The following PAPPA variants were observed in gnomAD, a reference collection of about 807,000 sequenced individuals.
The protein encoded by PAPPA is pappalysin 1.
In PAPPA, 60 loss-of-function variants were observed where a neutral mutation model predicts 164.0. The observed-to-expected ratio is 0.37, with a 90% CI of 0.30 to 0.45. The LOEUF (loss-of-function observed/expected upper bound fraction) is 0.45, where lower values mean the gene tolerates loss of function less well. PAPPA is among the 20% of genes least tolerant of loss of function. The pLI, the probability that PAPPA is intolerant of heterozygous loss-of-function variation, is 1.00. For missense variants in PAPPA, 1,782 were observed against 2,087.3 expected (o/e 0.85, Z 2.85); for synonymous variants, 875 against 814.1 (o/e 1.07, Z -1.27).
At chr9:116,293,016 G>C (rs1322530245) in intron 9 of PAPPA, among the ~76,000 whole-genome samples, 1 of 152,142 alleles carries the variant, frequency 6.6e-6, no homozygotes, top group Non-Finnish European at 1.5e-5. Flanking sequence ...TAGCAAGATG[G>C]GGATTTTGAC....
In PAPPA at chr9:116,154,450, C is replaced by G; in HGVS notation, c.278C>G (p.Pro93Arg). The change falls in exon 1 of 22, where the codon CCG becomes CGG. Residue 93 changes from proline (P) to arginine (R), a missense_variant. Pro to Arg is a moderately radical substitution (Grantham distance 103). Coordinates refer to ENST00000328252, the MANE Select transcript of PAPPA (RefSeq NM_002581.5). The surrounding 1 kb of genome is among the most constrained non-coding windows in gnomAD (Gnocchi z 5.2). ...ARGATEEPSP[P>R]SRALYFSGRG... is the part of the protein sequence containing the mutation. ...GGCGCCACCGAGGAGCCGAGCCCGC[C>G]GAGCCGGGCGCTCTATTTCAGCGGG... The G allele has an allele frequency of 1.6e-6, 2 of 1,282,502 alleles. No homozygotes were observed. The highest frequency in any genetic ancestry group is 2.0e-6 in the Non-Finnish European group (2 of 1,015,546). The allele number at this position is 1,282,502 out of a possible 1,614,324, so 79.4% of individuals were successfully genotyped here. A position where few individuals can be genotyped will look rare whatever the true frequency, so the allele number is the denominator to read the frequency against.
chr9:116,237,465 A>T (rs1844681812), intron 7 of PAPPA, among the ~76,000 whole-genome samples: 1 of 152,212 alleles, frequency 6.6e-6, no homozygotes, highest in Admixed American at 6.5e-5. Flanking sequence ...TCTCAGTTTA[A>T]ACTCAGCTTT....
chr9:116,158,590 A>G (rs543881263), intron 1 of PAPPA, among the ~76,000 whole-genome samples: 1 of 152,334 alleles, frequency 6.6e-6, no homozygotes, highest in Admixed American at 6.5e-5. Flanking sequence ...TGGACATGGA[A>G]GGTACTTAAA....
intron 7 of PAPPA, among the ~76,000 whole-genome samples, chr9:116,249,296 GA>G (rs942908835): frequency 2.0e-5 from 3 of 152,206 alleles, no homozygotes; most frequent in Non-Finnish European, 4.4e-5. Context: ...GCCAAGGCAA[GA>G]AAATTTAGCC....
At chr9:116,246,644 T>G (rs978571810) in intron 7 of PAPPA, among the ~76,000 whole-genome samples, 6 of 152,146 alleles carry the variant, frequency 3.9e-5, no homozygotes, top group Non-Finnish European at 8.8e-5. Flanking sequence ...TGGTTAGAAT[T>G]GAGATGTTTC....
At chr9:116,182,759 C>A (rs1843922168) in intron 1 of PAPPA, among the ~76,000 whole-genome samples, 1 of 152,052 alleles carries the variant, frequency 6.6e-6, no homozygotes, top group Admixed American at 6.5e-5. Flanking sequence ...CCTATGGAAC[C>A]CTTTTCACAT....
At chr9:116,376,949 G>T (rs905080885) in intron 19 of PAPPA, among the ~76,000 whole-genome samples, 1 of 152,114 alleles carries the variant, frequency 6.6e-6, no homozygotes, top group Non-Finnish European at 1.5e-5. Context: ...CTCTCAGACT[G>T]TAGTGTGCAT....
chr9:116,322,162 C>T (rs1309041330), intron 10 of PAPPA, among the ~76,000 whole-genome samples: 2 of 152,172 alleles, frequency 1.3e-5, no homozygotes, highest in Non-Finnish European at 2.9e-5. Flanking sequence ...CGCGGTGACT[C>T]ACGCCTGTAA....
At chr9:116,358,495 C>T (rs1052298366) in intron 17 of PAPPA, among the ~76,000 whole-genome samples, 1 of 152,186 alleles carries the variant, frequency 6.6e-6, no homozygotes, top group African/African-American at 2.4e-5. Context: ...CCCCATTTTA[C>T]AGATGGGGAA....
chr9:116,304,508 CAA>C (rs1485363505), intron 10 of PAPPA, among the ~76,000 whole-genome samples: 1 of 152,226 alleles, frequency 6.6e-6, no homozygotes, highest in African/African-American at 2.4e-5. Flanking sequence ...AACCTTCAAA[CAA>C]GAGAATTATT....
intron 7 of PAPPA, among the ~76,000 whole-genome samples, chr9:116,245,755 T>C (rs929089009): frequency 6.6e-6 from 1 of 152,144 alleles, no homozygotes; most frequent in African/African-American, 2.4e-5. Context: ...TGTTTGAGAC[T>C]CCCATGAGTC....
intron 19 of PAPPA, among the ~76,000 whole-genome samples, chr9:116,371,880 T>C (rs1203860766): frequency 6.6e-6 from 1 of 152,220 alleles, no homozygotes; most frequent in East Asian, 1.9e-4. Context: ...TTTTGTTCTC[T>C]ATTGCTATGG....
At chr9:116,378,311 G>A (rs1184004291) in intron 20 of PAPPA, among the ~76,000 whole-genome samples, 1 of 152,144 alleles carries the variant, frequency 6.6e-6, no homozygotes, top group African/African-American at 2.4e-5. Flanking sequence ...TGGTTCTTGG[G>A]AGATCAGCTG....
intron 19 of PAPPA, among the ~76,000 whole-genome samples, chr9:116,375,127 C>CCTAT (rs955775982): frequency 1.7e-4 from 26 of 152,316 alleles, no homozygotes; most frequent in African/African-American, 6.0e-4. Context: ...GTTTTCAGTA[C>CCTAT]CTATCTTGTG....
At chr9:116,190,164 C>T (rs1844024463) in intron 2 of PAPPA, among the ~76,000 whole-genome samples, 1 of 152,144 alleles carries the variant, frequency 6.6e-6, no homozygotes. Context: ...TAGCTAAGTT[C>T]ATGGGTCAAG....
chr9:116,154,249 G>C lies in PAPPA; in HGVS notation c.77G>C (p.Arg26Pro). 1 of 1,375,996 alleles carries C rather than the reference G, an allele frequency of 7.3e-7. No individual in the cohort carries two copies. Among genetic ancestry groups the C allele is most frequent in the Non-Finnish European group, 9.5e-7 (1 of 1,055,654 alleles). The allele number at this position is 1,375,996 out of a possible 1,614,324, so 85.2% of individuals were successfully genotyped here. Residue 26 changes from arginine to proline, a missense_variant, in exon 1 of 22, where the codon CGC becomes CCC. Physicochemically the swap from Arg to Pro is moderately radical, Grantham distance 103. This residue lies in a region of PAPPA where 458 missense variants were observed against 430.3 expected (regional missense o/e 1.06). Transcript: ENST00000328252. The surrounding 1 kb of genome is among the most constrained non-coding windows in gnomAD (Gnocchi z 5.2). ...ALGCGLAERP[R>P]RARRDPRAGR... Reference sequence around the variant, plus strand: ...GGCTGCGGGCTGGCCGAGCGTCCCCGCCGGGCCCGGAGAGACCCGCGGGCC... The same window carrying C: ...GGCTGCGGGCTGGCCGAGCGTCCCCCCCGGGCCCGGAGAGACCCGCGGGCC...
intron 7 of PAPPA, among the ~76,000 whole-genome samples, chr9:116,260,542 C>T (rs758953468): frequency 6.6e-6 from 1 of 152,168 alleles, no homozygotes; most frequent in Non-Finnish European, 1.5e-5. Flanking sequence ...GTGGTCCCAT[C>T]TTACATCTTC....
chr9:116,326,062 C>G (rs747376408), intron 10 of PAPPA, among the ~76,000 whole-genome samples: 5 of 152,110 alleles, frequency 3.3e-5, no homozygotes, highest in Admixed American at 1.3e-4. Flanking sequence ...GTCTCTCTCT[C>G]TCTCTGACTG....
intron 3 of PAPPA, among the ~76,000 whole-genome samples, chr9:116,208,376 T>G (rs1844264106): frequency 6.6e-6 from 1 of 152,236 alleles, no homozygotes; most frequent in Non-Finnish European, 1.5e-5. Flanking sequence ...TATCTACTTT[T>G]TTTTCCATGT....
Sources: gnomAD v4.1 joint callset for allele counts (sites outside exome capture counted in the v4.1 genomes callset) on GRCh38, gnomAD v4.1.1 for gene constraint, gnomAD v4.1.1 regional missense constraint, Gnocchi (gnomAD v3.1) non-coding constraint, MANE v1.5 for transcripts, NCBI Gene and HGNC (gene_info 2026-07-23, HGNC 2026-07-21) for gene names.